Variants in RAPGEF4 observed in about 807,000 individuals in gnomAD.
RAPGEF4 encodes RAP guanine-nucleotide-exchange factor (GEF) 4.
A neutral mutation model predicts 147.9 loss-of-function variants in RAPGEF4; 66 were observed. The observed-to-expected ratio is 0.45, with a 90% CI of 0.37 to 0.55. The LOEUF is 0.55. Ranked by LOEUF, RAPGEF4 falls within the 20% of genes least tolerant of loss-of-function variation. The pLI is 0.00. For synonymous variants in RAPGEF4, 419 were observed against 442.7 expected (o/e 0.95, Z 0.67); for missense variants, 1,071 against 1,257.3 (o/e 0.85, Z 2.24).
At chr2:172,855,401 C>T (rs560929333) in intron 4 of RAPGEF4, among the ~76,000 whole-genome samples, 1 of 152,184 alleles carries the variant, frequency 6.6e-6, no homozygotes, top group South Asian at 2.1e-4. Flanking sequence ...CTCCAAAATA[C>T]AGTGTTAGAA....
chr2:172,986,873 AT>A (rs921875581), intron 12 of RAPGEF4, among the ~76,000 whole-genome samples: 3 of 151,320 alleles, frequency 2.0e-5, no homozygotes, highest in Non-Finnish European at 2.9e-5. Flanking sequence ...TTTTTTTTGT[AT>A]TTTTAGTAGA....
chr2:172,865,317 A>G (rs1015744639), intron 4 of RAPGEF4, among the ~76,000 whole-genome samples: 4 of 152,118 alleles, frequency 2.6e-5, no homozygotes, highest in Non-Finnish European at 5.9e-5. Flanking sequence ...ACCTCTTACC[A>G]TGCAAGATTT....
intron 10 of RAPGEF4, among the ~76,000 whole-genome samples, chr2:172,972,310 G>A (rs1225973903): frequency 6.6e-6 from 1 of 152,178 alleles, no homozygotes; most frequent in Non-Finnish European, 1.5e-5. Flanking sequence ...TAAAATCCTG[G>A]TAATTATAGA....
In RAPGEF4 at chr2:172,735,973, C is replaced by T. The variant is rs1402192527; in HGVS notation, c.-11C>T. 2 of 1,461,300 alleles carry T rather than the reference C, an allele frequency of 1.4e-6. No individual in the cohort carries two copies. Among genetic ancestry groups the T allele is most frequent in the Admixed American group, 2.5e-5 (1 of 40,586 alleles). 90.5% of individuals were successfully genotyped at this position (1,461,300 alleles called of 1,614,324 possible). A position where few individuals can be genotyped will look rare whatever the true frequency, so the allele number is the denominator to read the frequency against. On this transcript the variant is annotated 5_prime_UTR_variant, in exon 1 of 31. Transcript: ENST00000397081. Reference sequence around the variant, plus strand: ...CGCCGCAGCCAGGGACACCGCGCGCCGCCGCTCAACATGGTCGCTGCGCAC... The same window carrying T: ...CGCCGCAGCCAGGGACACCGCGCGCTGCCGCTCAACATGGTCGCTGCGCAC...
At chr2:172,963,715 G>A (rs868665950) in intron 8 of RAPGEF4, among the ~76,000 whole-genome samples, 12 of 152,328 alleles carry the variant, frequency 7.9e-5, no homozygotes, top group Middle Eastern at 6.8e-3. Context: ...GACAGTCTGA[G>A]TTCCTTGTCC....
chr2:172,868,259 T>G (rs1055887991), intron 4 of RAPGEF4, among the ~76,000 whole-genome samples: 3 of 152,220 alleles, frequency 2.0e-5, no homozygotes, highest in Admixed American at 1.3e-4. Flanking sequence ...ACTCATATCC[T>G]TAATGATAAT....
At chr2:172,859,010 T>G (rs1693739009) in intron 4 of RAPGEF4, among the ~76,000 whole-genome samples, 1 of 152,172 alleles carries the variant, frequency 6.6e-6, no homozygotes, top group African/African-American at 2.4e-5. Flanking sequence ...ATTAGGGAAA[T>G]GAATATATAA....
chr2:172,781,189 A>T (rs1450445718), intron 1 of RAPGEF4, among the ~76,000 whole-genome samples: 1 of 152,238 alleles, frequency 6.6e-6, no homozygotes, highest in Non-Finnish European at 1.5e-5. Flanking sequence ...TCAACTGAAG[A>T]ATAACAATAT....
chr2:172,762,699 C>T (rs539711279), intron 1 of RAPGEF4, among the ~76,000 whole-genome samples: 12 of 152,302 alleles, frequency 7.9e-5, no homozygotes, highest in African/African-American at 2.4e-4. Context: ...ATATCCCAGC[C>T]TTGTATTTGG....
intron 6 of RAPGEF4, among the ~76,000 whole-genome samples, chr2:172,927,503 G>A (rs1282075117): frequency 6.6e-6 from 1 of 152,056 alleles, no homozygotes; most frequent in Non-Finnish European, 1.5e-5. Flanking sequence ...ATAATTGATG[G>A]CTCATGCCAG....
chr2:172,910,158 T>C (rs761654078), intron 4 of RAPGEF4, among the ~76,000 whole-genome samples: 116 of 152,348 alleles, frequency 7.6e-4, no homozygotes, highest in Non-Finnish European at 1.2e-4. Context: ...CCCAAAATTG[T>C]ACCATTGGCT....
chr2:172,805,686 C>A (rs1687425334), intron 3 of RAPGEF4, among the ~76,000 whole-genome samples: 1 of 152,146 alleles, frequency 6.6e-6, no homozygotes, highest in South Asian at 2.1e-4. Context: ...TTAATCCTTC[C>A]ATTTCGCCAA....
chr2:172,839,227 GAGGGTTCTTGGATCTCACACAAGAA>G (rs1190641912), intron 4 of RAPGEF4, among the ~76,000 whole-genome samples: 1 of 152,086 alleles, frequency 6.6e-6, no homozygotes, highest in Non-Finnish European at 1.5e-5. Context: ...AACGCCAAGA[GAGGGTTCTTGGATCTCACACAAGAA>G]AGAATTCAGG....
intron 17 of RAPGEF4, among the ~76,000 whole-genome samples, chr2:173,005,330 T>C (rs1468113638): frequency 1.3e-5 from 2 of 152,126 alleles, no homozygotes; most frequent in Non-Finnish European, 2.9e-5. Context: ...TATTCTTGTT[T>C]GTACAACTCC....
At chr2:172,754,546 A>C (rs1384554557) in intron 1 of RAPGEF4, among the ~76,000 whole-genome samples, 2 of 152,190 alleles carry the variant, frequency 1.3e-5, no homozygotes, top group Non-Finnish European at 2.9e-5. Flanking sequence ...TATTTTAGAA[A>C]TAAGGAATTT....
At chr2:172,843,259 A>G (rs116702736) in intron 4 of RAPGEF4, among the ~76,000 whole-genome samples, 2 of 152,326 alleles carry the variant, frequency 1.3e-5, no homozygotes, top group African/African-American at 4.8e-5. Flanking sequence ...GATAAGAGGA[A>G]AAGGGGAAAA....
At chr2:172,754,684 T>C (rs1277918346) in intron 1 of RAPGEF4, among the ~76,000 whole-genome samples, 3 of 151,976 alleles carry the variant, frequency 2.0e-5, no homozygotes, top group African/African-American at 7.3e-5. Flanking sequence ...GGAATATTAG[T>C]AGATAGGGCA....
intron 1 of RAPGEF4, among the ~76,000 whole-genome samples, chr2:172,750,157 C>T (rs932398037): frequency 1.3e-5 from 2 of 152,112 alleles, no homozygotes; most frequent in Non-Finnish European, 2.9e-5. Flanking sequence ...TTACCCAGTT[C>T]CAAAGTCGCT....
chr2:172,744,287 C>A, intron 1 of RAPGEF4: 1 of 387,178 alleles, frequency 2.6e-6, no homozygotes. Flanking sequence ...GTCTTAGGAT[C>A]AGCCAGACCT....
Sources: allele counts gnomAD v4.1 joint callset (sites outside exome capture counted in the v4.1 genomes callset), GRCh38; gene constraint gnomAD v4.1.1; transcripts MANE v1.5; gene names NCBI Gene and HGNC (gene_info 2026-07-23, HGNC 2026-07-21).